ROGDI: variants seen among roughly 807,000 people sequenced by gnomAD.
ROGDI encodes rogdi atypical leucine zipper, also known as protein rogdi homolog.
In ROGDI, 46 loss-of-function variants were observed where a neutral mutation model predicts 43.1. The ratio of observed to expected loss-of-function variants is 1.07; its 90% CI spans 0.84 to 1.37. The LOEUF (loss-of-function observed/expected upper bound fraction) is 1.37, where lower values mean the gene tolerates loss of function less well. ROGDI is among the 40% of genes most tolerant of loss of function. The pLI, the probability that ROGDI is intolerant of heterozygous loss-of-function variation, is 0.00. For synonymous variants in ROGDI, 243 were observed against 162.0 expected, an observed-to-expected ratio of 1.50 and a Z score of -3.80; for missense variants, 518 against 383.9, an observed-to-expected ratio of 1.35 and a Z score of -2.92.
rs2082661146 is a variant in ROGDI at position 4,797,233 on chromosome 16, C to T, written c.*227G>A. 3.9e-6 allele frequency: 2 copies of T among 517,838 alleles called. No individual in the cohort carries two copies. The highest frequency in any genetic ancestry group is 3.2e-5 in the East Asian group (1 of 30,858). The allele number at this position is 517,838 out of a possible 1,614,324, so 32.1% of individuals were successfully genotyped here. A position where few individuals can be genotyped will look rare whatever the true frequency, so the allele number is the denominator to read the frequency against. ...AGAGGGCGGTGTTGGGAATGTGGGA[C>T]ACCCTTGGCCCCGCCTCCCTGACCT... On this transcript the variant is annotated 3_prime_UTR_variant, in exon 11 of 11. Coordinates refer to ENST00000322048, the MANE Select transcript of ROGDI (RefSeq NM_024589.3).
At chr16:4,801,057 A>G (rs1483911908) in intron 4 of ROGDI, 8 of 527,242 alleles carry the variant, frequency 1.5e-5, no homozygotes, top group Non-Finnish European at 2.7e-5. Context: ...GGCCGTGTGC[A>G]AAGAACCCCT....
At chr16:4,801,610 A>C in intron 2 of ROGDI, 25 bp from the exon 3 acceptor site, 1 of 1,566,384 alleles carries the variant, frequency 6.4e-7, no homozygotes, top group Non-Finnish European at 8.7e-7. Context: ...GAAGGAGGGG[A>C]GCTGGTAGCG....
chr16:4,800,658 C>T, intron 4 of ROGDI, 80 bp from the exon 5 acceptor site: 2 of 1,189,378 alleles, frequency 1.7e-6, no homozygotes, highest in Non-Finnish European at 2.4e-6. Flanking sequence ...AAGCCCAGGG[C>T]AGAAATGGGG....
chr16:4,800,835 G>T, intron 4 of ROGDI: 4 of 561,048 alleles, frequency 7.1e-6, no homozygotes, highest in South Asian at 6.5e-5. Flanking sequence ...GAAGAGGAAA[G>T]GCAGCCTCTG....
rs575384175 is a variant in ROGDI, at chr16:4,798,158, G to C, written c.558C>G (p.Ser186=). The stretch of plus-strand genomic sequence containing the variant: ...TGATGTAGACGTTGACCAGCAGGTC[G>C]GACGGCAGGGCAGGGGCGAACATCC... The part of the protein sequence containing the change: ...LTRMFAPALP[S]DLLVNVYINL... Residue 186 remains serine (S), a synonymous_variant, in exon 8 of 11, where the codon TCC becomes TCG. Coordinates refer to ENST00000322048, the MANE Select transcript of ROGDI (RefSeq NM_024589.3). 37 of 1,613,896 alleles carry C rather than the reference G, an allele frequency of 2.3e-5. No homozygotes were observed. Among genetic ancestry groups the C allele is most frequent in the Non-Finnish European group, 3.0e-5 (35 of 1,179,894 alleles).
At chr16:4,798,332 TC>T in intron 7 of ROGDI, 148 bp from the exon 8 acceptor site, 2 of 781,242 alleles carry the variant, frequency 2.6e-6, no homozygotes, top group South Asian at 3.3e-5. Flanking sequence ...TCCAGACTTT[TC>T]CCAGGTGCCC....
Position 4,801,291 on chromosome 16 carries a change from C to T in ROGDI, c.231G>A (p.Leu77=). ...CCGCCTGGCTGAGGGCATCCCCCTGCAGAGTCAGCACACCCTTCACCTGGT... is the reference window on the plus strand; with the variant it reads ...CCGCCTGGCTGAGGGCATCCCCCTGTAGAGTCAGCACACCCTTCACCTGGT... The part of the protein sequence containing the change: ...GTDQVKGVLT[L]QGDALSQADV... Residue 77 remains leucine, a synonymous_variant, in exon 4 of 11, where the codon CTG becomes CTA. Transcript: ENST00000322048. 6.2e-7 allele frequency: 1 copy of T among 1,609,010 alleles called. No individual in the cohort carries two copies. The highest frequency in any genetic ancestry group is 1.1e-5 in the South Asian group (1 of 90,690).
At chr16:4,802,284 T>G in intron 2 of ROGDI, 98 bp downstream of exon 2, 1 of 1,140,030 alleles carries the variant, frequency 8.8e-7, no homozygotes, top group Non-Finnish European at 1.2e-6. Context: ...AGCCGCACAC[T>G]GTAGGCGCTC....
At chr16:4,800,922 C>T in intron 4 of ROGDI, 1 of 502,324 alleles carries the variant, frequency 2.0e-6, no homozygotes, top group South Asian at 2.9e-5. Context: ...GGCCTCCCCC[C>T]ACGCCTTGGT....
chr16:4,802,356 C>T (rs933865113), intron 2 of ROGDI, 26 bp downstream of exon 2: 71 of 1,549,920 alleles, frequency 4.6e-5, no homozygotes, highest in Non-Finnish European at 6.2e-5. Context: ...CCGCCACGCC[C>T]GGCGGGGCAG....
At chr16:4,800,626 G>A (rs1285119415) in intron 4 of ROGDI, 48 bp from the exon 5 acceptor site, 1 of 1,422,476 alleles carries the variant, frequency 7.0e-7, no homozygotes, top group African/African-American at 1.4e-5. Context: ...GGCACCTCCT[G>A]CCACAGCCAC....
At chr16:4,801,455 A>AC (rs751178799) in intron 3 of ROGDI, 48 bp downstream of exon 3, 2 of 1,575,790 alleles carry the variant, frequency 1.3e-6, no homozygotes, top group African/African-American at 1.3e-5. Context: ...CATGCCTCCT[A>AC]CCCCCCAAGG....
At chr16:4,798,808 A>G (rs1596275773) in intron 6 of ROGDI, 141 bp from the exon 7 acceptor site, 1 of 510,088 alleles carries the variant, frequency 2.0e-6, no homozygotes, top group Admixed American at 4.4e-5. Flanking sequence ...GGACCTGTTA[A>G]AGACAGGTAG....
intron 5 of ROGDI, among the ~76,000 whole-genome samples, chr16:4,800,278 G>A (rs1399053677): frequency 6.6e-6 from 1 of 152,144 alleles, no homozygotes; most frequent in African/African-American, 2.4e-5. Context: ...GTCCCGATGT[G>A]GCCCTCGGGG....
intron 6 of ROGDI, among the ~76,000 whole-genome samples, chr16:4,799,113 T>A (rs1386821411): frequency 2.0e-5 from 3 of 152,040 alleles, no homozygotes; most frequent in Admixed American, 1.3e-4. Flanking sequence ...GCCCATTCCT[T>A]CCCTTTGCCG....
chr16:4,799,956 G>A (rs1177952310), intron 5 of ROGDI, among the ~76,000 whole-genome samples, 175 bp from the exon 6 acceptor site: 2 of 152,160 alleles, frequency 1.3e-5, no homozygotes, highest in African/African-American at 4.8e-5. Context: ...GGGCAGGCCT[G>A]GTCTCTGCCC....
intron 10 of ROGDI, 55 bp downstream of exon 10, chr16:4,797,659 T>C: frequency 1.2e-6 from 2 of 1,610,570 alleles, no homozygotes; most frequent in Non-Finnish European, 1.7e-6. Context: ...TCTGAGGGTG[T>C]GGCAAGGACC....
Position 4,801,265 on chromosome 16 carries a change from AC to A in ROGDI, c.255+1del, listed in dbSNP as rs1189448147. ...GGGAGGGGACAGGGCCGGGGGACTC[AC>A]CGCCTGGCTGAGGGCATCCCCCTGC... On this transcript the variant is annotated splice_donor_variant, in intron 4 of 10. Coordinates refer to ENST00000322048, the MANE Select transcript of ROGDI (RefSeq NM_024589.3). LOFTEE classifies it high-confidence loss of function. The A allele has an allele frequency of 6.2e-7, 1 of 1,603,466 alleles. No individual in the cohort carries two copies. Among genetic ancestry groups the A allele is most frequent in the South Asian group, 1.1e-5 (1 of 89,972 alleles).
Position 4,802,551 on chromosome 16 carries a change from C to T in ROGDI, c.21G>A (p.Ala7=), listed in dbSNP as rs1216626161. ...CCAGCACCGCCCGCTCCGCCGCCGTCGCTGCCATCACGGTGGCCATGGCCG... is the reference window on the plus strand; with the variant it reads ...CCAGCACCGCCCGCTCCGCCGCCGTTGCTGCCATCACGGTGGCCATGGCCG... MATVMA[A]TAAERAVLEE... Residue 7 remains alanine, a synonymous_variant, in exon 1 of 11, where the codon GCG becomes GCA. Transcript: ENST00000322048. The T allele has an allele frequency of 1.8e-5, 23 of 1,291,344 alleles. No individual in the cohort carries two copies. The highest frequency in any genetic ancestry group is 2.3e-5 in the Non-Finnish European group (23 of 1,013,118). The allele number at this position is 1,291,344 out of a possible 1,614,324, so 80.0% of individuals were successfully genotyped here.
Sources: gnomAD v4.1 joint callset for allele counts (sites outside exome capture counted in the v4.1 genomes callset) on GRCh38, gnomAD v4.1.1 for gene constraint, MANE v1.5 for transcripts, NCBI Gene and HGNC (gene_info 2026-07-23, HGNC 2026-07-21) for gene names.